Variants in ADGRG6 observed in about 807,000 individuals in gnomAD.
The protein encoded by ADGRG6 is adhesion G protein-coupled receptor G6, also known as G-protein coupled receptor 126.
Under a neutral mutation model 142.4 loss-of-function variants are expected in ADGRG6, and 84 were observed. The ratio of observed to expected loss-of-function variants is 0.59; its 90% CI spans 0.49 to 0.71. The LOEUF (loss-of-function observed/expected upper bound fraction) is 0.71. ADGRG6 is among the 30% of genes least tolerant of loss of function. ADGRG6 has a pLI of 0.00. For synonymous variants in ADGRG6, 521 were observed against 520.5 expected, an observed-to-expected ratio of 1.00 and a Z score of -0.01; for missense variants, 1,367 against 1,466.6, an observed-to-expected ratio of 0.93 and a Z score of 1.11.
intron 8 of ADGRG6, among the ~76,000 whole-genome samples, chr6:142,393,262 C>A (rs1018083752): frequency 2.6e-5 from 4 of 152,194 alleles, no homozygotes; most frequent in African/African-American, 9.6e-5. Context: ...AAATTAAAAT[C>A]GGATAATTAA....
chr6:142,376,526 T>C (rs1781508957), intron 4 of ADGRG6, among the ~76,000 whole-genome samples: 1 of 152,202 alleles, frequency 6.6e-6, no homozygotes, highest in Admixed American at 6.5e-5. Context: ...TAAGGTTTCA[T>C]CAACTCTTGG....
intron 2 of ADGRG6, among the ~76,000 whole-genome samples, chr6:142,356,933 T>C (rs942514472): frequency 2.0e-5 from 3 of 152,218 alleles, no homozygotes; most frequent in African/African-American, 7.2e-5. Context: ...ATTATTTTTA[T>C]TTCCCTCCCT....
chr6:142,328,363 T>G (rs1388460485), intron 2 of ADGRG6, among the ~76,000 whole-genome samples: 1 of 152,126 alleles, frequency 6.6e-6, no homozygotes, highest in Non-Finnish European at 1.5e-5. Context: ...TCTCCATGCC[T>G]GGCTAATTTT....
chr6:142,414,655 G>A (rs185369151), intron 18 of ADGRG6, among the ~76,000 whole-genome samples: 28 of 152,246 alleles, frequency 1.8e-4, no homozygotes, highest in African/African-American at 6.7e-4. Context: ...CAAGGCAACC[G>A]TCTCCTCTCC....
Position 142,411,312 on chromosome 6 carries a change from T to G in ADGRG6, c.2442T>G (p.Phe814Leu). Reference protein sequence around the residue: ...AFWDLNKNKSFGGWNTSGCVA... With the variant: ...AFWDLNKNKSLGGWNTSGCVA... ...TGTTGATTCCTTCAACAGAAAGTTT[T>G]GGAGGATGGAACACGTCAGGATGTG... The change falls in exon 18 of 25, where the codon TTT becomes TTG. Residue 814 changes from phenylalanine to leucine, a missense_variant. This residue lies in a region of ADGRG6 where 286 missense variants were observed against 371.4 expected (regional missense o/e 0.77). Transcript: ENST00000367609. The G allele has an allele frequency of 1.9e-6, 3 of 1,587,618 alleles. No individual in the cohort carries two copies. Among genetic ancestry groups the G allele is most frequent in the Non-Finnish European group, 2.6e-6 (3 of 1,156,192 alleles).
At chr6:142,436,292 C>T (rs759773276) in intron 22 of ADGRG6, among the ~76,000 whole-genome samples, 2 of 151,958 alleles carry the variant, frequency 1.3e-5, no homozygotes, top group African/African-American at 2.4e-5. Context: ...ACTAAAGAGA[C>T]CAAGAAGGAA....
intron 6 of ADGRG6, among the ~76,000 whole-genome samples, chr6:142,385,493 GT>G (rs147620086): frequency 6.6e-6 from 1 of 151,714 alleles, no homozygotes; most frequent in Non-Finnish European, 1.5e-5. Context: ...TATTTACTAT[GT>G]TTTTTTTCCT....
At chr6:142,405,195 T>C in intron 14 of ADGRG6, 1 of 364,414 alleles carries the variant, frequency 2.7e-6, no homozygotes, top group Admixed American at 3.6e-5. Flanking sequence ...TCCAAGACAA[T>C]TTGCAGGAAA....
At chr6:142,442,076 G>C (rs1332575553) in intron 24 of ADGRG6, among the ~76,000 whole-genome samples, 1 of 152,162 alleles carries the variant, frequency 6.6e-6, no homozygotes, top group Non-Finnish European at 1.5e-5. Flanking sequence ...ATATCATGAT[G>C]ATGATGGCTT....
chr6:142,345,550 T>G (rs1239967367), intron 2 of ADGRG6, among the ~76,000 whole-genome samples: 1 of 152,116 alleles, frequency 6.6e-6, no homozygotes, highest in Non-Finnish European at 1.5e-5. Context: ...TTTTAGTGGG[T>G]GTTTCTGACA....
intron 2 of ADGRG6, among the ~76,000 whole-genome samples, chr6:142,314,870 A>G (rs59977247): frequency 0.021 from 3,182 of 152,152 alleles, 39 homozygotes; most frequent in Middle Eastern, 0.037. Context: ...CTGTCCTTCA[A>G]ATTCCCCTAT....
intron 4 of ADGRG6, among the ~76,000 whole-genome samples, chr6:142,375,353 G>C (rs1241356122): frequency 1.3e-5 from 2 of 152,112 alleles, no homozygotes; most frequent in Non-Finnish European, 2.9e-5. Context: ...TGATCTTCTT[G>C]CCATTCCAAG....
intron 14 of ADGRG6, 180 bp from the exon 15 acceptor site, chr6:142,405,508 A>G (rs1775755457): frequency 1.5e-6 from 1 of 678,862 alleles, no homozygotes; most frequent in Admixed American, 2.1e-5. Flanking sequence ...AATGAGATCT[A>G]CAGCTCTGTC....
At chr6:142,322,255 C>G (rs552212626) in intron 2 of ADGRG6, among the ~76,000 whole-genome samples, 1 of 152,156 alleles carries the variant, frequency 6.6e-6, no homozygotes, top group Admixed American at 6.6e-5. Flanking sequence ...AAAATATTAG[C>G]CACGCATGGT....
chr6:142,422,881 A>C lies in ADGRG6; in HGVS notation c.3319+2777A>C, dbSNP rs1327250508. Among the ~76,000 whole-genome samples the C allele has an allele frequency of 2.1e-4, 30 of 140,438 alleles. No homozygotes were observed. The East Asian group carries it at 5.7e-3, about 27-fold the overall frequency. 92.1% of individuals were successfully genotyped at this position (140,438 alleles called of 152,430 possible). ...TCTAACTGGTGTGAGATGGTATCTC[A>C]TTGTGGTTTTGATTTGCATTTCTCT... On this transcript the variant is annotated intron_variant, in intron 22 of 24. Transcript: ENST00000367609.
intron 22 of ADGRG6, among the ~76,000 whole-genome samples, chr6:142,434,800 A>G (rs902476881): frequency 5.3e-5 from 8 of 152,128 alleles, no homozygotes; most frequent in African/African-American, 1.9e-4. Context: ...CTAATCACCA[A>G]ACAACAAGCT....
intron 24 of ADGRG6, among the ~76,000 whole-genome samples, chr6:142,439,072 G>A (rs953889379): frequency 1.3e-5 from 2 of 152,116 alleles, no homozygotes; most frequent in Middle Eastern, 3.2e-3. Context: ...GATTGCTTGT[G>A]CCCTGGAGTT....
At chr6:142,365,034 C>T (rs768576018) in intron 2 of ADGRG6, among the ~76,000 whole-genome samples, 1 of 152,210 alleles carries the variant, frequency 6.6e-6, no homozygotes, top group South Asian at 2.1e-4. Flanking sequence ...CTGCATGTTG[C>T]GATGACAGAG....
At chr6:142,368,896 G>A (rs1337367706) in intron 3 of ADGRG6, among the ~76,000 whole-genome samples, 3 of 152,072 alleles carry the variant, frequency 2.0e-5, no homozygotes, top group African/African-American at 7.2e-5. Context: ...CTAATAAAAT[G>A]TTGATGGAGA....
Sources: allele counts gnomAD v4.1 joint callset (sites outside exome capture counted in the v4.1 genomes callset), GRCh38; gene constraint gnomAD v4.1.1; regional missense constraint gnomAD v4.1.1; transcripts MANE v1.5; gene names NCBI Gene and HGNC (gene_info 2026-07-23, HGNC 2026-07-21).